The following LPL variants were observed in gnomAD, a reference collection of about 807,000 sequenced individuals.
LPL encodes the protein phospholipase A1.
LPL carries 43 observed loss-of-function variants against 52.2 expected under a neutral mutation model. That is an observed-to-expected ratio of 0.82 (90% CI 0.64 to 1.06). The LOEUF is 1.06. LPL is among the 50% of genes least tolerant of loss of function. The probability of loss-of-function intolerance (pLI) is 0.00; values close to 1 mark genes in which losing one functional copy is unlikely to be tolerated. For missense variants in LPL, 639 were observed against 585.3 expected, an observed-to-expected ratio of 1.09 and a Z score of -0.95; for synonymous variants, 244 against 215.6, an observed-to-expected ratio of 1.13 and a Z score of -1.15.
chr8:19,948,036 T>C (rs1279428906), intron 1 of LPL, 144 bp from the exon 2 acceptor site: 1 of 792,460 alleles, frequency 1.3e-6, no homozygotes, highest in Non-Finnish European at 2.2e-6. Context: ...TGTTGTTCTC[T>C]TGCAATCCAC....
At position 19,961,928 on chromosome 8, in the gene LPL, A is replaced by G. The variant is rs326; in HGVS notation, c.1323-187A>G. On this transcript the variant is annotated intron_variant, in intron 8 of 9. Transcript: ENST00000650287. The stretch of plus-strand genomic sequence containing the variant: ...TTAACTAGCTTGGTTGCTGAACACC[A>G]GGTTAGGCTCTCAAATTACCCTCTG... Among the ~76,000 whole-genome samples the G allele has an allele frequency of 0.37, 55,815 of 151,996 alleles. 11,436 individuals are homozygous for G. Among genetic ancestry groups the G allele is most frequent in the African/African-American group, 0.56 (23,033 of 41,426 alleles).
chr8:19,952,207 A>G (rs1465178147), intron 3 of LPL, among the ~76,000 whole-genome samples: 1 of 152,158 alleles, frequency 6.6e-6, no homozygotes, highest in African/African-American at 2.4e-5. Context: ...ACCAATAACT[A>G]AGTGGGCCCA....
At chr8:19,955,085 T>C (rs1450370212) in intron 5 of LPL, among the ~76,000 whole-genome samples, 1 of 152,166 alleles carries the variant, frequency 6.6e-6, no homozygotes, top group Non-Finnish European at 1.5e-5. Flanking sequence ...TTTGTGCACG[T>C]AATAGAACTT....
chr8:19,951,842 T>C lies in LPL; in HGVS notation c.323T>C (p.Val108Ala). ...TACAAGAGAGAACCAGACTCCAATGTCATTGTGGTGGACTGGCTGTCACGG... is the reference window on the plus strand; with the variant it reads ...TACAAGAGAGAACCAGACTCCAATGCCATTGTGGTGGACTGGCTGTCACGG... Reference protein sequence around the residue: ...ALYKREPDSNVIVVDWLSRAQ... With the variant: ...ALYKREPDSNAIVVDWLSRAQ... The change falls in exon 3 of 10, where the codon GTC becomes GCC. Residue 108 changes from valine (V) to alanine (A), a missense_variant. Coordinates refer to ENST00000650287, the MANE Select transcript of LPL (RefSeq NM_000237.3). 1.2e-6 allele frequency: 2 copies of C among 1,614,140 alleles called. No individual in the cohort carries two copies. Among genetic ancestry groups the C allele is most frequent in the Middle Eastern group, 3.3e-4 (2 of 6,062 alleles).
At chr8:19,965,159 T>G in intron 9 of LPL, 151 bp from the exon 10 acceptor site, 1 of 649,578 alleles carries the variant, frequency 1.5e-6, no homozygotes. Flanking sequence ...TCTGATCCAT[T>G]ATACACATCT....
intron 1 of LPL, 90 bp from the exon 2 acceptor site, chr8:19,948,090 G>A: frequency 7.4e-7 from 1 of 1,349,968 alleles, no homozygotes; most frequent in Non-Finnish European, 1.1e-6. Context: ...AGCATCAGCG[G>A]TGGTTGCCTG....
chr8:19,951,761 A>T lies in LPL; in HGVS notation c.250-8A>T. The T allele has an allele frequency of 6.2e-7, 1 of 1,614,098 alleles. No individual in the cohort carries two copies. Among genetic ancestry groups the T allele is most frequent in the Non-Finnish European group, 8.5e-7 (1 of 1,179,990 alleles). On this transcript the variant is annotated splice_region_variant and splice_polypyrimidine_tract_variant and intron_variant, in intron 2 of 9. Coordinates refer to ENST00000650287, the MANE Select transcript of LPL (RefSeq NM_000237.3). ...GTATTTTAAGAAAGCTTGTGTCATC[A>T]TCTTCAGGTAACAGGAATGTATGAG...
rs1005964338 is a variant in LPL, at chr8:19,950,769, A to T, written c.250-1000A>T. Among the ~76,000 whole-genome samples the T allele has an allele frequency of 1.3e-5, 2 of 152,006 alleles. No homozygotes were observed. The highest frequency in any genetic ancestry group is 1.3e-4 in the Admixed American group (2 of 15,250). ...CACTGAGCTGAGATCATGCCACTGCACTCCAGCCTGGGCGAGACAGTAAGA... is the reference window on the plus strand; with the variant it reads ...CACTGAGCTGAGATCATGCCACTGCTCTCCAGCCTGGGCGAGACAGTAAGA... On this transcript the variant is annotated intron_variant, in intron 2 of 9. Coordinates refer to ENST00000650287, the MANE Select transcript of LPL (RefSeq NM_000237.3). The surrounding 1 kb of genome is among the most constrained non-coding windows in gnomAD (Gnocchi z 4.2).
Position 19,966,441 on chromosome 8 carries a change from C to G in LPL, c.*1131C>G, listed in dbSNP as rs1208175462. On this transcript the variant is annotated 3_prime_UTR_variant, in exon 10 of 10. Transcript: ENST00000650287. ...GCGTGCAATGAGCCAGATGGAGTAC[C>G]ATGAGGGTTGCTATTTGTTGTTTTT... 4 of 152,068 alleles carry G rather than the reference C, an allele frequency of 2.6e-5. No individual in the cohort carries two copies. Among genetic ancestry groups the G allele is most frequent in the Non-Finnish European group, 1.5e-5 (1 of 68,012 alleles). The allele number at this position is 152,068 out of a possible 1,614,324, so 9.4% of individuals were successfully genotyped here.
Position 19,944,198 on chromosome 8 carries a change from TAAA to T in LPL, c.89-3980_89-3978del, listed in dbSNP as rs2128836122. ...AAGACTCCGTTTCAAAAAATAATAA[TAAA>T]ATAAAATGAAATAAAGTAAAGCTGC... On this transcript the variant is annotated intron_variant, in intron 1 of 9. Transcript: ENST00000650287. The surrounding 1 kb of genome is among the most constrained non-coding windows in gnomAD (Gnocchi z 4.2). 6.6e-6 allele frequency among the ~76,000 whole-genome samples: 1 copy of T among 152,006 alleles called. No homozygotes were observed. Among genetic ancestry groups the T allele is most frequent in the Admixed American group, 6.6e-5 (1 of 15,266 alleles).
At position 19,965,367 on chromosome 8, in the gene LPL, G is replaced by A. The variant is rs2070076922; in HGVS notation, c.*57G>A. The A allele has an allele frequency of 2.2e-5, 17 of 780,020 alleles. No homozygotes were observed. The highest frequency in any genetic ancestry group is 3.8e-5 in the Non-Finnish European group (16 of 417,782). 48.3% of individuals were successfully genotyped at this position (780,020 alleles called of 1,614,324 possible). ...ATGTGAATTCTGTGAAGAATGAAGT[G>A]GAGGAAGTAACTTTTACAAAACATA... On this transcript the variant is annotated 3_prime_UTR_variant, in exon 10 of 10. Coordinates refer to ENST00000650287, the MANE Select transcript of LPL (RefSeq NM_000237.3).
Position 19,965,877 on chromosome 8 carries a change from A to C in LPL, c.*567A>C, listed in dbSNP as rs1024122751. ...GAACATGTAACTTGGAGAGGGACGA[A>C]GAAAGGGTCTGATAAACACAGAGGT... On this transcript the variant is annotated 3_prime_UTR_variant, in exon 10 of 10. Coordinates refer to ENST00000650287, the MANE Select transcript of LPL (RefSeq NM_000237.3). 1 of 152,792 alleles carries C rather than the reference A, an allele frequency of 6.5e-6. No individual in the cohort carries two copies. Among genetic ancestry groups the C allele is most frequent in the African/African-American group, 2.4e-5 (1 of 41,450 alleles). The allele number at this position is 152,792 out of a possible 1,614,324, so 9.5% of individuals were successfully genotyped here. A position where few individuals can be genotyped will look rare whatever the true frequency, so the allele number is the denominator to read the frequency against.
chr8:19,951,672 A>C, intron 2 of LPL, 97 bp from the exon 3 acceptor site: 2 of 1,318,856 alleles, frequency 1.5e-6, no homozygotes, highest in East Asian at 2.3e-5. Context: ...TTTCCAATCA[A>C]GTTTGTTTTT....
chr8:19,951,238 G>A (rs2069931548), intron 2 of LPL, among the ~76,000 whole-genome samples: 1 of 152,208 alleles, frequency 6.6e-6, no homozygotes, highest in South Asian at 2.1e-4. Flanking sequence ...TTCCCATTGT[G>A]AAGTAGGGGA....
chr8:19,953,237 A>G, intron 3 of LPL, 73 bp from the exon 4 acceptor site: 3 of 873,568 alleles, frequency 3.4e-6, no homozygotes, highest in Non-Finnish European at 5.8e-6. Context: ...AACAATATTT[A>G]TATTCATTTT....
chr8:19,959,140 G>A (rs983580941), intron 6 of LPL, 120 bp from the exon 7 acceptor site: 8 of 1,204,400 alleles, frequency 6.6e-6, no homozygotes, highest in African/African-American at 3.0e-5. Flanking sequence ...GGTTCCATGT[G>A]TGTGCACTTC....
intron 6 of LPL, among the ~76,000 whole-genome samples, chr8:19,958,860 T>C (rs297): frequency 0.26 from 39,066 of 151,980 alleles, 5,112 homozygotes; most frequent in African/African-American, 0.31. Context: ...GAAGCAAATG[T>C]CAAATATGCT....
chr8:19,965,187 A>G, intron 9 of LPL, 123 bp from the exon 10 acceptor site: 1 of 719,002 alleles, frequency 1.4e-6, no homozygotes, highest in Non-Finnish European at 2.6e-6. Flanking sequence ...GTTTATTCTC[A>G]CAACCTTTGT....
At chr8:19,957,952 T>G (rs748364840) in intron 6 of LPL, among the ~76,000 whole-genome samples, 9 of 151,734 alleles carry the variant, frequency 5.9e-5, no homozygotes, top group Admixed American at 2.0e-4. Context: ...TGACCAAGGA[T>G]AGTGGGATAT....
Sources: allele counts gnomAD v4.1 joint callset (sites outside exome capture counted in the v4.1 genomes callset), GRCh38; gene constraint gnomAD v4.1.1; non-coding constraint Gnocchi (gnomAD v3.1); transcripts MANE v1.5; gene names NCBI Gene and HGNC (gene_info 2026-07-23, HGNC 2026-07-21).